RUNX1: variants seen among roughly 807,000 people sequenced by gnomAD.
RUNX1 encodes the protein runt-related transcription factor 1.
RUNX1 carries 19 observed loss-of-function variants against 42.8 expected under a neutral mutation model. That is an observed-to-expected ratio of 0.44 (90% confidence interval 0.31 to 0.65). The LOEUF (loss-of-function observed/expected upper bound fraction) is 0.65, where lower values mean the gene tolerates loss of function less well. Among genes scored for constraint, RUNX1 ranks in the 30% least tolerant of loss-of-function variants. RUNX1 has a pLI of 0.07. For synonymous variants in RUNX1, 271 were observed against 289.4 expected (o/e 0.94, Z 0.64); for missense variants, 528 against 672.0 (o/e 0.79, Z 2.37).
chr21:34,821,869 G>C (rs562901466), intron 7 of RUNX1, among the ~76,000 whole-genome samples: 40 of 152,292 alleles, frequency 2.6e-4, no homozygotes, highest in South Asian at 1.0e-3. Context: ...CACTGAATTG[G>C]CCATCAGTAA....
At chr21:34,823,200 G>C (rs2056934376) in intron 7 of RUNX1, among the ~76,000 whole-genome samples, 1 of 152,202 alleles carries the variant, frequency 6.6e-6, no homozygotes, top group African/African-American at 2.4e-5. Flanking sequence ...CTTGAGGCTT[G>C]ACTCACAGAT....
intron 7 of RUNX1, among the ~76,000 whole-genome samples, chr21:34,816,522 A>G (rs2056829554): frequency 6.6e-6 from 1 of 152,104 alleles, no homozygotes; most frequent in Non-Finnish European, 1.5e-5. Flanking sequence ...CATGCAGCCT[A>G]TCTGGTAACA....
intron 6 of RUNX1, among the ~76,000 whole-genome samples, chr21:34,838,445 G>A (rs188245608): frequency 2.6e-5 from 4 of 152,200 alleles, no homozygotes; most frequent in Middle Eastern, 3.2e-3. Flanking sequence ...ATGATGAGCC[G>A]TTGAGCCAAA....
intron 2 of RUNX1, among the ~76,000 whole-genome samples, chr21:35,012,104 C>T (rs1318120967): frequency 6.6e-6 from 1 of 152,156 alleles, no homozygotes; most frequent in African/African-American, 2.4e-5. Context: ...TAAATATGAT[C>T]GTTAGCTTAA....
intron 2 of RUNX1, among the ~76,000 whole-genome samples, chr21:34,930,930 AG>A (rs1309850868): frequency 6.6e-6 from 1 of 152,138 alleles, no homozygotes; most frequent in Non-Finnish European, 1.5e-5. Context: ...TGAATCTGCC[AG>A]GCAACTCACA....
At chr21:34,844,060 T>C (rs1331890609) in intron 6 of RUNX1, among the ~76,000 whole-genome samples, 1 of 152,122 alleles carries the variant, frequency 6.6e-6, no homozygotes, top group Non-Finnish European at 1.5e-5. Context: ...CAACCCTCCC[T>C]AGGTTAAGGT....
intron 2 of RUNX1, among the ~76,000 whole-genome samples, chr21:34,948,013 G>A (rs2058577244): frequency 1.3e-5 from 2 of 151,928 alleles, no homozygotes; most frequent in South Asian, 4.2e-4. Flanking sequence ...TGGGTTTTCC[G>A]GGCTGCTGTT....
In RUNX1 at chr21:34,888,104, C is replaced by A. The variant is rs1343455667; in HGVS notation, c.98-1008G>T. On this transcript the variant is annotated intron_variant, in intron 3 of 8. Transcript: ENST00000675419. ...AGTCACACACATGCAAACACGCACT[C>A]TTCGGAAGGCAGCCACTGTCTACAT... The A allele has an allele frequency of 5.6e-6, 6 of 1,066,238 alleles. No homozygotes were observed. In the African/African-American group the frequency reaches 9.8e-5, roughly 17 times the overall value. The allele number at this position is 1,066,238 out of a possible 1,614,324, so 66.0% of individuals were successfully genotyped here. A position where few individuals can be genotyped will look rare whatever the true frequency, so the allele number is the denominator to read the frequency against.
chr21:34,888,426 GA>G (rs2058029498), intron 3 of RUNX1: 1 of 1,066,906 alleles, frequency 9.4e-7, no homozygotes, highest in Non-Finnish European at 1.1e-6. Flanking sequence ...AACAATTGGG[GA>G]AAAGTTCGCA....
chr21:34,840,225 C>T (rs933500946), intron 6 of RUNX1, among the ~76,000 whole-genome samples: 8 of 152,176 alleles, frequency 5.3e-5, no homozygotes, highest in African/African-American at 1.2e-4. Context: ...ACCTTTATTC[C>T]GTTCCACAAA....
rs149595895 is a variant in RUNX1, at chr21:34,968,035, C to A, written c.59-75072G>T. Among the ~76,000 whole-genome samples the A allele has an allele frequency of 9.8e-4, 150 of 152,324 alleles. 1 individual carries two copies. Among genetic ancestry groups the A allele is most frequent in the African/African-American group, 3.5e-3 (146 of 41,574 alleles). On this transcript the variant is annotated intron_variant, in intron 2 of 8. Transcript: ENST00000675419. ...CATTTCCAGGCTGCTGTATTTCCCTCACCAGCCCCAAACGCCCGATCCAGC... is the reference window on the plus strand; with the variant it reads ...CATTTCCAGGCTGCTGTATTTCCCTAACCAGCCCCAAACGCCCGATCCAGC...
intron 2 of RUNX1, among the ~76,000 whole-genome samples, chr21:35,030,633 C>T (rs2059266462): frequency 6.6e-6 from 1 of 152,112 alleles, no homozygotes; most frequent in African/African-American, 2.4e-5. Context: ...GAAGAAAACA[C>T]AGGGGAGAGG....
At chr21:34,892,214 C>T (rs571846868) in intron 3 of RUNX1, among the ~76,000 whole-genome samples, 1 of 152,180 alleles carries the variant, frequency 6.6e-6, no homozygotes, top group Non-Finnish European at 1.5e-5. Context: ...ATTGATGTCA[C>T]AGGGATGGAA....
At chr21:35,020,186 A>G (rs550289633) in intron 2 of RUNX1, among the ~76,000 whole-genome samples, 11 of 152,270 alleles carry the variant, frequency 7.2e-5, no homozygotes, top group East Asian at 3.9e-4. Context: ...AAATAGCACA[A>G]CTGTTCCCCT....
chr21:35,016,087 G>C (rs187465599), intron 2 of RUNX1, among the ~76,000 whole-genome samples: 1 of 152,338 alleles, frequency 6.6e-6, no homozygotes, highest in Non-Finnish European at 1.5e-5. Flanking sequence ...AAACGCTGAA[G>C]AGTCCATCAA....
chr21:34,819,211 G>A (rs1041268735), intron 7 of RUNX1, among the ~76,000 whole-genome samples: 11 of 152,204 alleles, frequency 7.2e-5, no homozygotes. Flanking sequence ...GTGGATCCAT[G>A]TCTTTGAGCA....
chr21:34,944,646 T>G (rs1159579231), intron 2 of RUNX1, among the ~76,000 whole-genome samples: 1 of 152,174 alleles, frequency 6.6e-6, no homozygotes, highest in East Asian at 1.9e-4. Context: ...TGTCGTCTCC[T>G]CTTAGGACAG....
intron 2 of RUNX1, among the ~76,000 whole-genome samples, chr21:34,928,637 G>T (rs1489565957): frequency 2.0e-5 from 3 of 150,784 alleles, no homozygotes; most frequent in Middle Eastern, 6.9e-3. Context: ...CCAAGATCGC[G>T]CCACTGCACT....
chr21:34,840,977 G>C (rs187215965), intron 6 of RUNX1, among the ~76,000 whole-genome samples: 1 of 152,202 alleles, frequency 6.6e-6, no homozygotes, highest in East Asian at 1.9e-4. Flanking sequence ...TCCAGAGGGA[G>C]TGGGACATTA....
Sources: gnomAD v4.1 joint callset for allele counts (sites outside exome capture counted in the v4.1 genomes callset) on GRCh38, gnomAD v4.1.1 for gene constraint, MANE v1.5 for transcripts, NCBI Gene and HGNC (gene_info 2026-07-23, HGNC 2026-07-21) for gene names.